MGAT4C: variants seen among roughly 807,000 people sequenced by gnomAD.
The protein encoded by MGAT4C is MGAT4 family member C, also known as alpha-1,3-mannosyl-glycoprotein 4-beta-N-acetylglucosaminyltransferase C.
MGAT4C carries 19 observed loss-of-function variants against 40.1 expected under a neutral mutation model. That is an observed-to-expected ratio of 0.47 (90% CI 0.33 to 0.70). The LOEUF is 0.70. Ranked by LOEUF, MGAT4C falls within the 30% of genes least tolerant of loss-of-function variation. The probability of loss-of-function intolerance (pLI) is 0.02; values close to 1 mark genes in which losing one functional copy is unlikely to be tolerated. For synonymous variants in MGAT4C, 181 were observed against 187.1 expected (o/e 0.97, Z 0.27); for missense variants, 491 against 563.2 (o/e 0.87, Z 1.30).
chr12:86,130,614 A>G (rs960996364), intron 1 of MGAT4C, among the ~76,000 whole-genome samples: 1 of 152,064 alleles, frequency 6.6e-6, no homozygotes, highest in African/African-American at 2.4e-5. Context: ...AAGAGTAAAT[A>G]TAAGATTAAA....
intron 1 of MGAT4C, among the ~76,000 whole-genome samples, chr12:86,202,844 C>T (rs1950099347): frequency 6.6e-6 from 1 of 151,820 alleles, no homozygotes; most frequent in Non-Finnish European, 1.5e-5. Flanking sequence ...TTATAGATTT[C>T]ATTCTTTTGC....
intron 2 of MGAT4C, among the ~76,000 whole-genome samples, chr12:86,537,429 A>C (rs997591998): frequency 1.2e-4 from 18 of 152,190 alleles, no homozygotes; most frequent in Non-Finnish European, 2.6e-4. Flanking sequence ...ATAAAAGTAA[A>C]TGTCTCTTTA....
intron 3 of MGAT4C, among the ~76,000 whole-genome samples, chr12:86,353,367 GC>G (rs1247013418): frequency 4.6e-5 from 7 of 152,242 alleles, no homozygotes; most frequent in African/African-American, 1.7e-4. Context: ...TAACAAGTTT[GC>G]TGAGGAGAGA....
chr12:86,029,639 T>C (rs539312616), intron 2 of MGAT4C, among the ~76,000 whole-genome samples: 4 of 152,080 alleles, frequency 2.6e-5, no homozygotes, highest in South Asian at 2.1e-4. Context: ...TATTATTTTC[T>C]CTATTTTCAT....
intron 1 of MGAT4C, among the ~76,000 whole-genome samples, chr12:86,084,182 CAATAACTCT>C (rs1337592559): frequency 1.3e-5 from 2 of 151,960 alleles, no homozygotes; most frequent in Non-Finnish European, 2.9e-5. Context: ...AAAAATAAAG[CAATAACTCT>C]AATGTCAGGT....
intron 4 of MGAT4C, among the ~76,000 whole-genome samples, chr12:86,307,758 A>G (rs1442686896): frequency 2.0e-5 from 3 of 150,240 alleles, no homozygotes; most frequent in African/African-American, 7.5e-5. Flanking sequence ...GCTGGAGTGC[A>G]GTGGCGCGAT....
intron 1 of MGAT4C, among the ~76,000 whole-genome samples, chr12:86,138,984 T>C (rs540775186): frequency 2.8e-4 from 43 of 152,206 alleles, no homozygotes; most frequent in Non-Finnish European, 5.0e-4. Flanking sequence ...AAGGCCACAA[T>C]GGAAAATGCT....
chr12:86,495,621 C>T (rs1195671051), intron 2 of MGAT4C, among the ~76,000 whole-genome samples: 2 of 151,864 alleles, frequency 1.3e-5, no homozygotes, highest in African/African-American at 4.8e-5. Flanking sequence ...TAATCTGGAT[C>T]CCAGATGGAA....
chr12:86,725,832 A>G (rs1401383942), intron 2 of MGAT4C, among the ~76,000 whole-genome samples: 1 of 152,190 alleles, frequency 6.6e-6, no homozygotes, highest in East Asian at 1.9e-4. Flanking sequence ...CAGTAGACAC[A>G]AATTACGACT....
chr12:86,108,394 A>C (rs1876600386), intron 1 of MGAT4C, among the ~76,000 whole-genome samples: 1 of 152,190 alleles, frequency 6.6e-6, no homozygotes, highest in Non-Finnish European at 1.5e-5. Context: ...ACTATATTCT[A>C]ACTCCTTAAG....
rs1882804569 is a variant in MGAT4C at position 85,956,559 on chromosome 12, T to C, written c.*22730A>G. The C allele has an allele frequency of 6.6e-6, 1 of 152,204 alleles. No individual in the cohort carries two copies. The highest frequency in any genetic ancestry group is 6.5e-5 in the Admixed American group (1 of 15,278). The allele number at this position is 152,204 out of a possible 1,614,324, so 9.4% of individuals were successfully genotyped here. A position where few individuals can be genotyped will look rare whatever the true frequency, so the allele number is the denominator to read the frequency against. ...TTTACAGATCATTTTTTGGATTACA[T>C]TTAGTCTTTAGAAAATATTTGATTC... On this transcript the variant is annotated 3_prime_UTR_variant, in exon 5 of 5. Coordinates refer to ENST00000611864, the MANE Select transcript of MGAT4C (RefSeq NM_001351288.2).
chr12:86,828,437 ATTTGT>A (rs1952851496), intron 1 of MGAT4C, among the ~76,000 whole-genome samples: 1 of 151,472 alleles, frequency 6.6e-6, no homozygotes. Flanking sequence ...ACTTTTAAAA[ATTTGT>A]TTTGTGTGCT....
chr12:86,369,160 T>C (rs1955669689), intron 3 of MGAT4C, among the ~76,000 whole-genome samples: 1 of 152,010 alleles, frequency 6.6e-6, no homozygotes. Context: ...TTGTCTGATA[T>C]AAGTTTAGCC....
intron 2 of MGAT4C, among the ~76,000 whole-genome samples, chr12:86,020,260 G>A (rs888318496): frequency 2.0e-5 from 3 of 152,110 alleles, no homozygotes; most frequent in Admixed American, 2.0e-4. Flanking sequence ...GGGCATCCCT[G>A]TCTTGTGCCA....
At chr12:86,295,982 A>G (rs975597891) in intron 4 of MGAT4C, among the ~76,000 whole-genome samples, 19 of 142,756 alleles carry the variant, frequency 1.3e-4, no homozygotes, top group Non-Finnish European at 2.6e-4. Flanking sequence ...CAGAGTGTCA[A>G]TTGGTGCACT....
intron 3 of MGAT4C, among the ~76,000 whole-genome samples, chr12:85,984,658 T>C (rs1885014585): frequency 6.6e-6 from 1 of 152,220 alleles, no homozygotes. Context: ...GTTTGACTCA[T>C]ATGTGATTTA....
At chr12:86,292,359 CT>C (rs1953541788) in intron 4 of MGAT4C, among the ~76,000 whole-genome samples, 1 of 151,600 alleles carries the variant, frequency 6.6e-6, no homozygotes, top group South Asian at 2.1e-4. Context: ...GAGGTTTAAG[CT>C]TTTCCTATTT....
chr12:86,080,194 C>T (rs1870567924), intron 1 of MGAT4C, among the ~76,000 whole-genome samples: 1 of 152,042 alleles, frequency 6.6e-6, no homozygotes, highest in African/African-American at 2.4e-5. Flanking sequence ...CATTTTGTCT[C>T]CTGTTGTATC....
intron 2 of MGAT4C, among the ~76,000 whole-genome samples, chr12:86,435,971 T>C (rs1306511195): frequency 2.0e-5 from 3 of 151,930 alleles, no homozygotes; most frequent in Admixed American, 6.6e-5. Context: ...CAAATGAATA[T>C]GAACACTAGA....
Sources: allele counts gnomAD v4.1 joint callset (sites outside exome capture counted in the v4.1 genomes callset), GRCh38; gene constraint gnomAD v4.1.1; transcripts MANE v1.5; gene names NCBI Gene and HGNC (gene_info 2026-07-23, HGNC 2026-07-21).